Variants in DOCK7 observed in about 807,000 individuals in gnomAD.
DOCK7 encodes dedicator of cytokinesis 7.
DOCK7 carries 138 observed loss-of-function variants against 271.0 expected under a neutral mutation model. The ratio of observed to expected loss-of-function variants is 0.51; its 90% CI spans 0.44 to 0.59. DOCK7 has a LOEUF of 0.59. Among genes scored for constraint, DOCK7 ranks in the 20% least tolerant of loss-of-function variants. The pLI is 0.00. For synonymous variants in DOCK7, 823 were observed against 876.1 expected (o/e 0.94, Z 1.07); for missense variants, 2,066 against 2,592.4 (o/e 0.80, Z 4.41).
intron 44 of DOCK7, among the ~76,000 whole-genome samples, chr1:62,476,451 A>G (rs1375748872): frequency 6.6e-6 from 1 of 152,214 alleles, no homozygotes; most frequent in Non-Finnish European, 1.5e-5. Context: ...AGTCCTCAAG[A>G]GAAACAAAAG....
At chr1:62,667,454 C>T (rs1352149226) in intron 1 of DOCK7, among the ~76,000 whole-genome samples, 1 of 152,188 alleles carries the variant, frequency 6.6e-6, no homozygotes, top group Non-Finnish European at 1.5e-5. Flanking sequence ...AGTAGTGTAA[C>T]TATCTAAGTT....
At chr1:62,506,844 G>A (rs1356474139) in intron 35 of DOCK7, among the ~76,000 whole-genome samples, 2 of 151,252 alleles carry the variant, frequency 1.3e-5, no homozygotes, top group East Asian at 4.1e-4. Context: ...CTACTTGGGA[G>A]GCTGAGGCAG....
intron 43 of DOCK7, chr1:62,482,346 T>C (rs1409432940): frequency 1.3e-3 from 3 of 2,382 alleles, no homozygotes; most frequent in African/African-American, 1.5e-3. Flanking sequence ...CTCTAAGCAT[T>C]TTTTTTTTTT....
intron 36 of DOCK7, among the ~76,000 whole-genome samples, chr1:62,505,325 T>C (rs1168026): frequency 0.58 from 87,960 of 151,968 alleles, 27,048 homozygotes; most frequent in East Asian, 0.76. Flanking sequence ...ATTGCTTATA[T>C]ATTGAATTCT....
At chr1:62,485,834 CA>C (rs1646275937) in intron 43 of DOCK7, 2 of 382,160 alleles carry the variant, frequency 5.2e-6, no homozygotes. Flanking sequence ...AAGCAAAAAA[CA>C]AACGTGCAAC....
At chr1:62,587,633 GTTAA>G (rs751956446) in intron 14 of DOCK7, among the ~76,000 whole-genome samples, 2 of 152,148 alleles carry the variant, frequency 1.3e-5, no homozygotes, top group African/African-American at 2.4e-5. Context: ...TACTGAGTTG[GTTAA>G]TTAAGATACC....
intron 1 of DOCK7, among the ~76,000 whole-genome samples, chr1:62,678,899 T>C (rs957128090): frequency 1.3e-5 from 2 of 152,086 alleles, no homozygotes; most frequent in African/African-American, 4.8e-5. Context: ...ACTAAAAGAA[T>C]TGGATTGTTA....
chr1:62,468,523 T>TA (rs1190787038), intron 48 of DOCK7, among the ~76,000 whole-genome samples: 1 of 152,060 alleles, frequency 6.6e-6, no homozygotes, highest in African/African-American at 2.4e-5. Context: ...TGTCCACTCT[T>TA]ACCACTTCTC....
intron 31 of DOCK7, among the ~76,000 whole-genome samples, chr1:62,525,449 G>A (rs1644978538): frequency 6.6e-6 from 1 of 152,044 alleles, no homozygotes; most frequent in Non-Finnish European, 1.5e-5. Flanking sequence ...GACCTGAGTG[G>A]TAATTACAAA....
chr1:62,599,140 T>C (rs1450295860), intron 14 of DOCK7, among the ~76,000 whole-genome samples: 2 of 152,142 alleles, frequency 1.3e-5, no homozygotes, highest in East Asian at 3.8e-4. Context: ...AATTAGATCA[T>C]GTTTCTCTTT....
intron 21 of DOCK7, 72 bp downstream of exon 21, chr1:62,555,753 C>T (rs1371327716): frequency 1.3e-6 from 2 of 1,510,140 alleles, no homozygotes; most frequent in South Asian, 1.3e-5. Context: ...GTATGGACTA[C>T]AAAATTATCT....
chr1:62,499,358 T>C (rs1428241804), intron 37 of DOCK7, among the ~76,000 whole-genome samples: 1 of 152,140 alleles, frequency 6.6e-6, no homozygotes. Context: ...CTGGATTTCA[T>C]GTAAAAATAA....
chr1:62,494,272 T>C lies in DOCK7; in HGVS notation c.5217+3A>G. On this transcript the variant is annotated splice_donor_region_variant and intron_variant, in intron 40 of 49. Coordinates refer to ENST00000635253, the MANE Select transcript of DOCK7 (RefSeq NM_001367561.1). Reference sequence around the variant, plus strand: ...ATTTAATGTACATCTGGAAGATTCCTACCTGAAATGTTACACATCCCACAG... The same window carrying C: ...ATTTAATGTACATCTGGAAGATTCCCACCTGAAATGTTACACATCCCACAG... 4 of 1,574,214 alleles carry C rather than the reference T, an allele frequency of 2.5e-6. No homozygotes were observed. The highest frequency in any genetic ancestry group is 3.5e-6 in the Non-Finnish European group (4 of 1,150,632).
chr1:62,480,156 C>G (rs1290964553), intron 43 of DOCK7, among the ~76,000 whole-genome samples: 1 of 152,142 alleles, frequency 6.6e-6, no homozygotes, highest in Non-Finnish European at 1.5e-5. Context: ...TCTGTTGACA[C>G]TTTATTACAA....
intron 31 of DOCK7, among the ~76,000 whole-genome samples, chr1:62,520,717 T>C (rs868449478): frequency 5.3e-5 from 8 of 152,276 alleles, no homozygotes; most frequent in Middle Eastern, 6.8e-3. Flanking sequence ...GATCTAGAAC[T>C]AGAAATACCA....
chr1:62,650,315 A>G lies in DOCK7; in HGVS notation c.390-1771T>C, dbSNP rs556503840. ...CTGCTGTATCATCAGTCTTTAGTATAGTGCCTGGTACATATAAGACTCTCA... is the reference window on the plus strand; with the variant it reads ...CTGCTGTATCATCAGTCTTTAGTATGGTGCCTGGTACATATAAGACTCTCA... On this transcript the variant is annotated intron_variant, in intron 4 of 49. Coordinates refer to ENST00000635253, the MANE Select transcript of DOCK7 (RefSeq NM_001367561.1). Among the ~76,000 whole-genome samples, 9 of 152,274 alleles carry G rather than the reference A, an allele frequency of 5.9e-5. No homozygotes were observed. In the South Asian group the frequency reaches 1.9e-3, roughly 32 times the overall value.
intron 1 of DOCK7, among the ~76,000 whole-genome samples, chr1:62,681,853 C>A (rs1661204953): frequency 2.0e-5 from 3 of 152,022 alleles, no homozygotes; most frequent in Admixed American, 1.3e-4. Flanking sequence ...AGCAAGACAG[C>A]AAAGCATACA....
At chr1:62,534,144 A>G (rs1645265428) in intron 29 of DOCK7, among the ~76,000 whole-genome samples, 1 of 152,072 alleles carries the variant, frequency 6.6e-6, no homozygotes, top group Non-Finnish European at 1.5e-5. Context: ...GATTACAGAC[A>G]TGAGCCACCA....
At chr1:62,679,901 T>A (rs989607735) in intron 1 of DOCK7, among the ~76,000 whole-genome samples, 3 of 152,188 alleles carry the variant, frequency 2.0e-5, no homozygotes, top group Admixed American at 6.5e-5. Flanking sequence ...CACAAACAAA[T>A]GGAAGAATAT....
Sources: gnomAD v4.1 joint callset for allele counts (sites outside exome capture counted in the v4.1 genomes callset) on GRCh38, gnomAD v4.1.1 for gene constraint, MANE v1.5 for transcripts, NCBI Gene and HGNC (gene_info 2026-07-23, HGNC 2026-07-21) for gene names.